The following TOPAZ1 variants were observed in gnomAD, a reference collection of about 807,000 sequenced individuals.
TOPAZ1 encodes testis and ovary specific TOPAZ 1, also known as protein TOPAZ1.
A neutral mutation model predicts 172.2 loss-of-function variants in TOPAZ1; 66 were observed. The observed-to-expected ratio is 0.38, with a 90% CI of 0.31 to 0.47. The LOEUF (loss-of-function observed/expected upper bound fraction) is 0.47. Among genes scored for constraint, TOPAZ1 ranks in the 20% least tolerant of loss-of-function variants. The probability of loss-of-function intolerance (pLI) is 0.99; values close to 1 mark genes in which losing one functional copy is unlikely to be tolerated. For missense variants in TOPAZ1, 1,822 were observed against 1,972.4 expected (o/e 0.92, Z 1.44); for synonymous variants, 681 against 683.9 (o/e 1.00, Z 0.07).
intron 18 of TOPAZ1, among the ~76,000 whole-genome samples, chr3:44,325,206 T>A (rs1402331315): frequency 6.6e-6 from 1 of 152,220 alleles, no homozygotes; most frequent in Non-Finnish European, 1.5e-5. Context: ...AAGAAGAGCC[T>A]TTCAATGGTA....
chr3:44,316,076 T>C (rs984381629), intron 16 of TOPAZ1, among the ~76,000 whole-genome samples: 5 of 150,428 alleles, frequency 3.3e-5, no homozygotes, highest in African/African-American at 2.4e-5. Context: ...CTCTATGAAA[T>C]TTAAAAAAAA....
intron 7 of TOPAZ1, among the ~76,000 whole-genome samples, chr3:44,269,525 G>A (rs551138419): frequency 1.0e-4 from 8 of 76,412 alleles, no homozygotes; most frequent in African/African-American, 3.5e-4. Context: ...TGCTCTTGTC[G>A]TCCAGGCTAG....
rs531088235 is a variant in TOPAZ1 at position 44,269,928 on chromosome 3, A to T, written c.3246+627A>T. On this transcript the variant is annotated intron_variant, in intron 7 of 19. Transcript: ENST00000309765. The stretch of plus-strand genomic sequence containing the variant: ...CGTGAGCCACTGTGCCCAGCCTATC[A>T]TCATTTTTTAAGCAGTTCCAGATAT... Among the ~76,000 whole-genome samples, 3 of 152,286 alleles carry T rather than the reference A, an allele frequency of 2.0e-5. No individual in the cohort carries two copies. In the South Asian group the frequency reaches 6.2e-4, roughly 32 times the overall value.
chr3:44,315,281 T>G (rs1389392653), intron 16 of TOPAZ1, among the ~76,000 whole-genome samples: 1 of 152,182 alleles, frequency 6.6e-6, no homozygotes, highest in Non-Finnish European at 1.5e-5. Context: ...GACCAGCGCC[T>G]GTGACTACAG....
chr3:44,285,265 C>G (rs949630032), intron 9 of TOPAZ1, among the ~76,000 whole-genome samples: 1 of 151,954 alleles, frequency 6.6e-6, no homozygotes, highest in Non-Finnish European at 1.5e-5. Flanking sequence ...GAGTTTAGAC[C>G]AGCCTGGGCA....
Position 44,245,029 on chromosome 3 carries a change from A to G in TOPAZ1, c.2523A>G (p.Ile841Met). The change falls in exon 2 of 20, where the codon ATA (isoleucine) becomes ATG (methionine). Residue 841 changes from isoleucine to methionine, a missense_variant. Physicochemically the swap from Ile to Met is conservative, Grantham distance 10 (BLOSUM62 1). Transcript: ENST00000309765. Reference protein sequence around the residue: ...PVSSEVRGRKITKNFSEVGFP... With the variant: ...PVSSEVRGRKMTKNFSEVGFP... Reference sequence around the variant, plus strand: ...CCAGTGAAGTTAGGGGTAGAAAAATAACTAAGAATTTTTCAGAGGTAGGGT... The same window carrying G: ...CCAGTGAAGTTAGGGGTAGAAAAATGACTAAGAATTTTTCAGAGGTAGGGT... 1 of 1,551,714 alleles carries G rather than the reference A, an allele frequency of 6.4e-7. No homozygotes were observed. Among genetic ancestry groups the G allele is most frequent in the East Asian group, 2.4e-5 (1 of 40,912 alleles).
intron 16 of TOPAZ1, among the ~76,000 whole-genome samples, chr3:44,312,242 A>C (rs962253457): frequency 6.6e-6 from 1 of 152,032 alleles, no homozygotes; most frequent in Non-Finnish European, 1.5e-5. Context: ...AAAAAAAAAA[A>C]AAAAAACACA....
chr3:44,298,574 T>C (rs1166490798), intron 12 of TOPAZ1, among the ~76,000 whole-genome samples: 1 of 151,896 alleles, frequency 6.6e-6, no homozygotes, highest in Non-Finnish European at 1.5e-5. Flanking sequence ...GAGAGAGACA[T>C]AGGTCAAAGG....
At chr3:44,296,221 G>A (rs1700192109) in intron 12 of TOPAZ1, among the ~76,000 whole-genome samples, 1 of 152,028 alleles carries the variant, frequency 6.6e-6, no homozygotes, top group Non-Finnish European at 1.5e-5. Flanking sequence ...ATCCTGAGAG[G>A]AAAATCCATT....
intron 8 of TOPAZ1, among the ~76,000 whole-genome samples, chr3:44,279,408 G>A (rs1699998525): frequency 6.6e-6 from 1 of 152,154 alleles, no homozygotes; most frequent in Non-Finnish European, 1.5e-5. Context: ...AATGCTGAGA[G>A]TAGGGTGTTT....
chr3:44,298,688 C>G (rs1368966590), intron 12 of TOPAZ1, among the ~76,000 whole-genome samples: 1 of 150,562 alleles, frequency 6.6e-6, no homozygotes, highest in African/African-American at 2.4e-5. Flanking sequence ...ACAAATGATG[C>G]TGGAGCAATT....
chr3:44,317,389 TCA>T (rs1700463142), intron 16 of TOPAZ1, among the ~76,000 whole-genome samples: 1 of 152,094 alleles, frequency 6.6e-6, no homozygotes, highest in Non-Finnish European at 1.5e-5. Flanking sequence ...GCACTGCACT[TCA>T]GCCTGGGCAA....
Position 44,243,965 on chromosome 3 carries a change from C to A in TOPAZ1, c.1459C>A (p.Pro487Thr), listed in dbSNP as rs866978822. 1.0e-5 allele frequency: 16 copies of A among 1,552,162 alleles called. No individual in the cohort carries two copies. Among genetic ancestry groups the A allele is most frequent in the Middle Eastern group, 1.7e-4 (1 of 6,020 alleles). ...GAAGTTAAGCTGTCAGAGAACAATA[C>A]CTATGACTGGTAAAAGAACTTGGCC... ...ELKLSCQRTI[P>T]MTGKRTWPYY... The change falls in exon 2 of 20, where the codon CCT (proline) becomes ACT (threonine). Residue 487 changes from proline (P) to threonine (T), a missense_variant. Coordinates refer to ENST00000309765, the MANE Select transcript of TOPAZ1 (RefSeq NM_001145030.2).
chr3:44,245,314 G>A, intron 2 of TOPAZ1, 43 bp downstream of exon 2: 2 of 1,466,162 alleles, frequency 1.4e-6, no homozygotes, highest in Non-Finnish European at 1.8e-6. Flanking sequence ...ATTGTTGGGG[G>A]TTAGAAAAGC....
At position 44,244,452 on chromosome 3, in the gene TOPAZ1, A is replaced by C. The variant is rs1326854611; in HGVS notation, c.1946A>C (p.Gln649Pro). ...TTGACAGCGACTTCCAAAGATGGTC[A>C]GGAAGCAAATAACTCTGCAGGCAAA... is the stretch of plus-strand genomic sequence containing the variant. ...LNLTATSKDG[Q>P]EANNSAGKTI... The change falls in exon 2 of 20, where the codon CAG becomes CCG. Residue 649 changes from glutamine to proline, a missense_variant. This residue lies in a region of TOPAZ1 where 1,489 missense variants were observed against 1,490.8 expected (regional missense o/e 1.00). Transcript: ENST00000309765. 2 of 1,551,656 alleles carry C rather than the reference A, an allele frequency of 1.3e-6. No individual in the cohort carries two copies. The highest frequency in any genetic ancestry group is 1.7e-6 in the Non-Finnish European group (2 of 1,146,998).
At chr3:44,290,049 C>T (rs1297270363) in intron 11 of TOPAZ1, among the ~76,000 whole-genome samples, 1 of 152,074 alleles carries the variant, frequency 6.6e-6, no homozygotes, top group Non-Finnish European at 1.5e-5. Flanking sequence ...ATTGGAGGAC[C>T]TAGTCATTAT....
At chr3:44,302,500 G>C (rs1700283926) in intron 12 of TOPAZ1, among the ~76,000 whole-genome samples, 1 of 152,148 alleles carries the variant, frequency 6.6e-6, no homozygotes, top group Admixed American at 6.5e-5. Flanking sequence ...CATATACAAT[G>C]GGGTCTGTTT....
chr3:44,269,929 T>C (rs958459975), intron 7 of TOPAZ1, among the ~76,000 whole-genome samples: 3 of 152,198 alleles, frequency 2.0e-5, no homozygotes, highest in Admixed American at 2.0e-4. Flanking sequence ...CAGCCTATCA[T>C]CATTTTTTAA....
At chr3:44,301,720 T>TA (rs945683303) in intron 12 of TOPAZ1, among the ~76,000 whole-genome samples, 1 of 152,196 alleles carries the variant, frequency 6.6e-6, no homozygotes, top group African/African-American at 2.4e-5. Context: ...TTTTGGTTCT[T>TA]AAACTTTTAG....
Sources: allele counts gnomAD v4.1 joint callset (sites outside exome capture counted in the v4.1 genomes callset), GRCh38; gene constraint gnomAD v4.1.1; regional missense constraint gnomAD v4.1.1; transcripts MANE v1.5; gene names NCBI Gene and HGNC (gene_info 2026-07-23, HGNC 2026-07-21).